Variants in TENM4 observed in about 807,000 individuals in gnomAD.
TENM4 encodes teneurin-4.
In TENM4, 82 loss-of-function variants were observed where a neutral mutation model predicts 243.3. The ratio of observed to expected loss-of-function variants is 0.34; its 90% CI spans 0.28 to 0.40. TENM4 has a LOEUF of 0.40. Ranked by LOEUF, TENM4 falls within the 10% of genes least tolerant of loss-of-function variation. TENM4 has a pLI of 1.00. For missense variants in TENM4, 3,138 were observed against 3,673.3 expected (o/e 0.85, Z 3.77); for synonymous variants, 1,412 against 1,456.3 (o/e 0.97, Z 0.69).
chr11:79,178,609 G>T (rs1863218861), intron 3 of TENM4, among the ~76,000 whole-genome samples: 1 of 152,212 alleles, frequency 6.6e-6, no homozygotes, highest in African/African-American at 2.4e-5. Flanking sequence ...TGAGGACTGA[G>T]CAAGGACCAC....
At chr11:78,961,135 A>C (rs919625950) in intron 6 of TENM4, among the ~76,000 whole-genome samples, 1 of 152,190 alleles carries the variant, frequency 6.6e-6, no homozygotes, top group Non-Finnish European at 1.5e-5. Flanking sequence ...CCTTTTTCAG[A>C]ATCTGGCCTG....
chr11:78,975,684 G>C (rs933757800), intron 6 of TENM4, among the ~76,000 whole-genome samples: 5 of 151,644 alleles, frequency 3.3e-5, no homozygotes, highest in East Asian at 1.9e-4. Context: ...CAGGCCTCAA[G>C]ATGGAGTAAG....
At chr11:79,355,326 A>G (rs1857477843) in intron 1 of TENM4, among the ~76,000 whole-genome samples, 1 of 152,186 alleles carries the variant, frequency 6.6e-6, no homozygotes, top group Non-Finnish European at 1.5e-5. Context: ...TGAGGTCAGG[A>G]GTTCAAGACC....
At chr11:79,190,127 A>C (rs1863450806) in intron 3 of TENM4, among the ~76,000 whole-genome samples, 1 of 152,160 alleles carries the variant, frequency 6.6e-6, no homozygotes, top group Non-Finnish European at 1.5e-5. Flanking sequence ...CTTTATCCCC[A>C]TTACAGGGTA....
intron 4 of TENM4, among the ~76,000 whole-genome samples, chr11:79,115,851 C>T (rs970308639): frequency 2.0e-5 from 3 of 152,170 alleles, no homozygotes; most frequent in African/African-American, 7.2e-5. Flanking sequence ...CCTCACAGGC[C>T]AAGATATGTC....
chr11:79,307,964 C>G (rs1341663913), intron 1 of TENM4, among the ~76,000 whole-genome samples: 4 of 152,260 alleles, frequency 2.6e-5, no homozygotes, highest in East Asian at 1.9e-4. Flanking sequence ...CTGGGCTTCT[C>G]AGACAGCTTC....
chr11:79,274,928 A>T (rs537564), intron 2 of TENM4, among the ~76,000 whole-genome samples: 110,421 of 152,062 alleles, frequency 0.73, 40,682 homozygotes, highest in African/African-American at 0.85. Context: ...GGAGTTGGGA[A>T]TGCTCAGTGG....
intron 6 of TENM4, among the ~76,000 whole-genome samples, chr11:78,937,297 C>A (rs189389350): frequency 6.6e-6 from 1 of 152,260 alleles, no homozygotes; most frequent in East Asian, 1.9e-4. Context: ...CTACAAATAC[C>A]TCTCCATTTC....
chr11:78,767,314 G>A (rs1034437107), intron 18 of TENM4, among the ~76,000 whole-genome samples: 10 of 152,228 alleles, frequency 6.6e-5, no homozygotes, highest in African/African-American at 2.4e-4. Flanking sequence ...TCCTCACAGT[G>A]TTGCTGGATG....
intron 6 of TENM4, among the ~76,000 whole-genome samples, chr11:79,019,323 C>A (rs181852382): frequency 6.6e-6 from 1 of 152,138 alleles, no homozygotes; most frequent in Non-Finnish European, 1.5e-5. Flanking sequence ...TCCCACTAGA[C>A]CTTCATTCTC....
At chr11:79,127,448 G>T (rs1212988263) in intron 4 of TENM4, among the ~76,000 whole-genome samples, 1 of 136,224 alleles carries the variant, frequency 7.3e-6, no homozygotes, top group East Asian at 1.9e-4. Flanking sequence ...ATGTGGTTTT[G>T]TTGCTTGAGT....
intron 26 of TENM4, among the ~76,000 whole-genome samples, chr11:78,710,135 G>A (rs1859363423): frequency 6.6e-6 from 1 of 152,206 alleles, no homozygotes; most frequent in African/African-American, 2.4e-5. Context: ...CTTCACCAAG[G>A]TGGAGAGACT....
chr11:78,824,536 C>G lies in TENM4; in HGVS notation c.1682-10141G>C, dbSNP rs911507230. On this transcript the variant is annotated intron_variant, in intron 12 of 33. Transcript: ENST00000278550. ...TTTTTTTTGGAGGTGGAGTCTTGCTCTGTTGCCCAGGCTGGAGTGCAGTGG... is the reference window on the plus strand; with the variant it reads ...TTTTTTTTGGAGGTGGAGTCTTGCTGTGTTGCCCAGGCTGGAGTGCAGTGG... Among the ~76,000 whole-genome samples, 3 of 143,934 alleles carry G rather than the reference C, an allele frequency of 2.1e-5. No homozygotes were observed. The Admixed American group carries it at 2.1e-4, about 10-fold the overall frequency. The allele number at this position is 143,934 out of a possible 152,430, so 94.4% of individuals were successfully genotyped here. A position where few individuals can be genotyped will look rare whatever the true frequency, so the allele number is the denominator to read the frequency against.
chr11:78,968,187 G>T (rs1857474771), intron 6 of TENM4, among the ~76,000 whole-genome samples: 1 of 152,168 alleles, frequency 6.6e-6, no homozygotes, highest in Admixed American at 6.5e-5. Context: ...CTCTCCCTTT[G>T]CCTTCTGCGA....
intron 25 of TENM4, among the ~76,000 whole-genome samples, chr11:78,715,821 C>T (rs1859508927): frequency 1.3e-5 from 2 of 152,314 alleles, no homozygotes; most frequent in South Asian, 4.1e-4. Context: ...TCTGAACATT[C>T]AGCTCATTTC....
chr11:79,154,463 C>T (rs569674438), intron 3 of TENM4, among the ~76,000 whole-genome samples: 7 of 152,272 alleles, frequency 4.6e-5, no homozygotes, highest in Admixed American at 2.6e-4. Flanking sequence ...GGTCACATTT[C>T]AACATGAGAT....
chr11:78,845,577 A>G (rs142278371), intron 12 of TENM4, among the ~76,000 whole-genome samples: 2 of 152,334 alleles, frequency 1.3e-5, no homozygotes, highest in East Asian at 3.9e-4. Context: ...TTCACATGTT[A>G]CTTGCAGCTA....
At chr11:78,800,177 G>A (rs983822160) in intron 15 of TENM4, among the ~76,000 whole-genome samples, 10 of 152,204 alleles carry the variant, frequency 6.6e-5, no homozygotes, top group Admixed American at 5.9e-4. Flanking sequence ...ACAGCTCTGA[G>A]CCAAGAGGGT....
intron 1 of TENM4, among the ~76,000 whole-genome samples, chr11:79,429,697 T>C (rs1859126887): frequency 6.6e-6 from 1 of 152,220 alleles, no homozygotes; most frequent in Non-Finnish European, 1.5e-5. Context: ...TAGTCTTATA[T>C]GGACTTAACT....
Sources: gnomAD v4.1 joint callset for allele counts (sites outside exome capture counted in the v4.1 genomes callset) on GRCh38, gnomAD v4.1.1 for gene constraint, MANE v1.5 for transcripts, NCBI Gene and HGNC (gene_info 2026-07-23, HGNC 2026-07-21) for gene names.